Variants in CYP39A1 observed in about 807,000 individuals in gnomAD.
CYP39A1 encodes 24-hydroxycholesterol 7-alpha-hydroxylase.
A neutral mutation model predicts 58.1 loss-of-function variants in CYP39A1; 49 were observed. That is an observed-to-expected ratio of 0.84 (90% CI 0.67 to 1.07). The LOEUF is 1.07. Among genes scored for constraint, CYP39A1 ranks in the 50% least tolerant of loss-of-function variants. CYP39A1 has a pLI of 0.00. For synonymous variants in CYP39A1, 209 were observed against 187.6 expected, an observed-to-expected ratio of 1.11 and a Z score of -0.93; for missense variants, 531 against 539.4, an observed-to-expected ratio of 0.98 and a Z score of 0.16.
At chr6:46,595,114 T>C (rs1413782005) in intron 8 of CYP39A1, among the ~76,000 whole-genome samples, 1 of 152,022 alleles carries the variant, frequency 6.6e-6, no homozygotes, top group East Asian at 1.9e-4. Context: ...CACAAGGATC[T>C]ATCACCTTGC....
rs545897482 is a variant in CYP39A1 at position 46,568,950 on chromosome 6, T to C, written c.1251-15096A>G. ...AAAAAATAACATCATTGCGATTACA[T>C]TGAATCTGCAGACTTCTTTGGGTAG... On this transcript the variant is annotated intron_variant, in intron 10 of 11. Transcript: ENST00000275016. Among the ~76,000 whole-genome samples the C allele has an allele frequency of 7.2e-5, 11 of 152,114 alleles. No individual in the cohort carries two copies. The South Asian group carries it at 2.3e-3, about 32-fold the overall frequency.
At chr6:46,579,471 A>G (rs561354346) in intron 10 of CYP39A1, among the ~76,000 whole-genome samples, 35 of 152,198 alleles carry the variant, frequency 2.3e-4, no homozygotes, top group African/African-American at 8.2e-4. Flanking sequence ...CCCAACTCTC[A>G]TACTCCAATT....
At chr6:46,603,506 T>A (rs1312806723) in intron 7 of CYP39A1, among the ~76,000 whole-genome samples, 1 of 152,204 alleles carries the variant, frequency 6.6e-6, no homozygotes, top group Non-Finnish European at 1.5e-5. Flanking sequence ...CCTTCCTTTT[T>A]TCTCCCCTTC....
chr6:46,554,212 A>G (rs1206742803), intron 10 of CYP39A1, among the ~76,000 whole-genome samples: 7 of 152,364 alleles, frequency 4.6e-5, no homozygotes, highest in Non-Finnish European at 1.0e-4. Context: ...TTTAAGATTA[A>G]GCAAAATGGA....
chr6:46,630,958 C>T lies in CYP39A1; in HGVS notation c.840+5G>A. The stretch of plus-strand genomic sequence containing the variant: ...ACGTAACTCATACTTTACTAATATA[C>T]TTACAGGAACAGCATTAGACAGAGA... On this transcript the variant is annotated splice_donor_5th_base_variant and intron_variant, in intron 6 of 11. Coordinates refer to ENST00000275016, the MANE Select transcript of CYP39A1 (RefSeq NM_016593.5). 3 of 1,602,452 alleles carry T rather than the reference C, an allele frequency of 1.9e-6. No homozygotes were observed. Among genetic ancestry groups the T allele is most frequent in the Non-Finnish European group, 2.6e-6 (3 of 1,170,344 alleles).
chr6:46,586,161 C>T (rs1434195919), intron 10 of CYP39A1: 20 of 920,236 alleles, frequency 2.2e-5, no homozygotes, highest in Non-Finnish European at 2.6e-5. Flanking sequence ...ACTCTAAACA[C>T]ATGAAGAACG....
chr6:46,625,604 T>G, intron 6 of CYP39A1, 96 bp from the exon 7 acceptor site: 1 of 856,194 alleles, frequency 1.2e-6, no homozygotes, highest in East Asian at 2.7e-5. Flanking sequence ...TTAAAAAGGA[T>G]GATGTTTAAA....
At chr6:46,562,727 C>CA (rs988068035) in intron 10 of CYP39A1, among the ~76,000 whole-genome samples, 2 of 151,332 alleles carry the variant, frequency 1.3e-5, no homozygotes, top group Admixed American at 6.6e-5. Context: ...TAAAAAATTT[C>CA]AAAAAAAGAT....
chr6:46,629,577 T>C (rs540429048), intron 6 of CYP39A1, among the ~76,000 whole-genome samples: 1 of 152,338 alleles, frequency 6.6e-6, no homozygotes, highest in African/African-American at 2.4e-5. Context: ...CCCTTCTCTT[T>C]ATGCAGTAAA....
chr6:46,640,801 G>A (rs1776286445), intron 2 of CYP39A1, among the ~76,000 whole-genome samples: 1 of 135,354 alleles, frequency 7.4e-6, no homozygotes, highest in South Asian at 2.3e-4. Context: ...AGTCCCCTGT[G>A]TCCATTGTTG....
At chr6:46,556,174 C>T (rs1770654596) in intron 10 of CYP39A1, among the ~76,000 whole-genome samples, 1 of 152,162 alleles carries the variant, frequency 6.6e-6, no homozygotes, top group Non-Finnish European at 1.5e-5. Context: ...ACGGGGCAAA[C>T]TCCAGTGTAG....
intron 11 of CYP39A1, among the ~76,000 whole-genome samples, chr6:46,552,583 A>T (rs983082401): frequency 6.6e-5 from 10 of 152,194 alleles, no homozygotes; most frequent in African/African-American, 1.9e-4. Flanking sequence ...AAAGCACAAA[A>T]CGCTATGTGA....
At chr6:46,561,346 G>T (rs950210758) in intron 10 of CYP39A1, among the ~76,000 whole-genome samples, 1 of 151,868 alleles carries the variant, frequency 6.6e-6, no homozygotes, top group Non-Finnish European at 1.5e-5. Flanking sequence ...GGGATAAAAG[G>T]CCCCTGCCAC....
chr6:46,644,351 C>T (rs770010464), intron 1 of CYP39A1, among the ~76,000 whole-genome samples: 17 of 152,126 alleles, frequency 1.1e-4, no homozygotes, highest in Non-Finnish European at 1.6e-4. Context: ...TATGAATGTA[C>T]GACAGTTTAT....
intron 10 of CYP39A1, among the ~76,000 whole-genome samples, chr6:46,567,506 C>A (rs1007137920): frequency 6.6e-6 from 1 of 152,066 alleles, no homozygotes; most frequent in Non-Finnish European, 1.5e-5. Context: ...ATTGCTGGAT[C>A]ATATGGCAAT....
At position 46,553,844 on chromosome 6, in the gene CYP39A1, G is replaced by A. The variant is rs773206398; in HGVS notation, c.1261C>T (p.Leu421=). ...ATAATACACATCTGAACCTCTAACA[G>A]AGCAAACCACCTGGAAGAAACGAAT... ...KFQCPARWFA[L]LEVQMCIILI... Residue 421 remains leucine, a synonymous_variant, in exon 11 of 12, where the codon CTG becomes TTG. Transcript: ENST00000275016. The A allele has an allele frequency of 6.3e-7, 1 of 1,599,848 alleles. No homozygotes were observed. The highest frequency in any genetic ancestry group is 1.1e-5 in the South Asian group (1 of 88,716).
chr6:46,550,485 A>G (rs1407827774), intron 11 of CYP39A1, 48 bp from the exon 12 acceptor site: 10 of 1,521,996 alleles, frequency 6.6e-6, no homozygotes, highest in Non-Finnish European at 9.0e-6. Context: ...ACATAAGTCC[A>G]CAGTTTCAGA....
chr6:46,635,149 C>T (rs1053143047), intron 5 of CYP39A1, among the ~76,000 whole-genome samples: 21 of 152,116 alleles, frequency 1.4e-4, no homozygotes, highest in African/African-American at 5.1e-4. Context: ...TGCTATTTAA[C>T]TAAAAACAAA....
chr6:46,586,572 G>C, intron 10 of CYP39A1: 2 of 986,056 alleles, frequency 2.0e-6, no homozygotes, highest in Non-Finnish European at 2.4e-6. Flanking sequence ...ACACTGAGGA[G>C]GAGGGCTGGG....
Sources: allele counts gnomAD v4.1 joint callset (sites outside exome capture counted in the v4.1 genomes callset), GRCh38; gene constraint gnomAD v4.1.1; transcripts MANE v1.5; gene names NCBI Gene and HGNC (gene_info 2026-07-23, HGNC 2026-07-21).